The following ETS2 variants were observed in gnomAD, a reference collection of about 807,000 sequenced individuals.
The protein encoded by ETS2 is protein C-ets-2.
Under a neutral mutation model 54.9 loss-of-function variants are expected in ETS2, and 19 were observed. That is an observed-to-expected ratio of 0.35 (90% confidence interval 0.24 to 0.51). ETS2 has a LOEUF of 0.51. ETS2 is among the 20% of genes least tolerant of loss of function. The pLI is 0.97. For synonymous variants in ETS2, 219 were observed against 229.3 expected, an observed-to-expected ratio of 0.95 and a Z score of 0.41; for missense variants, 417 against 593.0, an observed-to-expected ratio of 0.70 and a Z score of 3.08.
Position 38,818,907 on chromosome 21 carries a change from T to C in ETS2, c.811+261T>C, listed in dbSNP as rs528743899. 1.2e-4 allele frequency among the ~76,000 whole-genome samples: 18 copies of C among 152,370 alleles called. No homozygotes were observed. In the South Asian group the frequency reaches 3.7e-3, roughly 32 times the overall value. ...CACTTTGGGATATTTATGGAGGCGA[T>C]GCAGGAATGTGACATTTCTTCTTAT... On this transcript the variant is annotated intron_variant, in intron 7 of 9. Coordinates refer to ENST00000360938, the MANE Select transcript of ETS2 (RefSeq NM_005239.6).
rs376514555 is a variant in ETS2 at position 38,818,422 on chromosome 21, C to T, written c.590-3C>T. 5 of 1,613,870 alleles carry T rather than the reference C, an allele frequency of 3.1e-6. No individual in the cohort carries two copies. In the African/African-American group the frequency reaches 6.7e-5, roughly 22 times the overall value. ...GCTCTGCCGTCCGATTGTTCTGTTC[C>T]AGGTTTTGGCACAGAGCAGGCGCCC... On this transcript the variant is annotated splice_polypyrimidine_tract_variant and splice_region_variant and intron_variant, in intron 6 of 9. Transcript: ENST00000360938.
rs188875406 is a variant in ETS2 at position 38,810,310 on chromosome 21, T to C, written c.72+204T>C. Among the ~76,000 whole-genome samples, 34 of 152,314 alleles carry C rather than the reference T, an allele frequency of 2.2e-4. 1 individual carries two copies. In the East Asian group the frequency reaches 6.6e-3, roughly 29 times the overall value. ...TGGGTATCTTGATGTGTGTTGTTCT[T>C]CTCCTCCACGATATGAAACCAAAGG... On this transcript the variant is annotated intron_variant, in intron 2 of 9. Coordinates refer to ENST00000360938, the MANE Select transcript of ETS2 (RefSeq NM_005239.6).
upstream of ETS2, chr21:38,805,875 C>T (rs1225663433): frequency 3.4e-6 from 4 of 1,193,448 alleles, no homozygotes; most frequent in East Asian, 7.6e-5. This position sits in a 1 kb window ranked among gnomAD's most constrained non-coding sequence, Gnocchi z 5.2. Flanking sequence ...CCTTCCTCCT[C>T]CCTCCTCCCT....
At position 38,806,201 on chromosome 21, in the gene ETS2, C is replaced by CG; in HGVS notation, c.-1+87dup. The CG allele has an allele frequency of 2.0e-6, 2 of 993,002 alleles. No homozygotes were observed. The highest frequency in any genetic ancestry group is 2.4e-6 in the Non-Finnish European group (2 of 835,512). 61.5% of individuals were successfully genotyped at this position (993,002 alleles called of 1,614,324 possible). A position where few individuals can be genotyped will look rare whatever the true frequency, so the allele number is the denominator to read the frequency against. On this transcript the variant is annotated intron_variant, in intron 1 of 9. Coordinates refer to ENST00000360938, the MANE Select transcript of ETS2 (RefSeq NM_005239.6). The surrounding 1 kb of genome is among the most constrained non-coding windows in gnomAD (Gnocchi z 4.3). ...TCACCCGGGGCCTGGGCGGGGGTCGCGGGGGGCACTGACACGCAGATCTCG... is the reference window on the plus strand; with the variant it reads ...TCACCCGGGGCCTGGGCGGGGGTCGCGGGGGGGCACTGACACGCAGATCTCG...
At position 38,823,857 on chromosome 21, in the gene ETS2, G is replaced by T. The variant is rs1162395312; in HGVS notation, c.*968G>T. 6.6e-6 allele frequency: 1 copy of T among 152,462 alleles called. No homozygotes were observed. Among genetic ancestry groups the T allele is most frequent in the East Asian group, 1.9e-4 (1 of 5,196 alleles). 9.4% of individuals were successfully genotyped at this position (152,462 alleles called of 1,614,324 possible). ...TTTAAGTCAGTTTATACACAAAATG[G>T]ATTTTATTTTTTAGTTTAACTGTGT... On this transcript the variant is annotated 3_prime_UTR_variant, in exon 10 of 10. Transcript: ENST00000360938.
rs781489122 is a variant in ETS2 at position 38,814,283 on chromosome 21, C to A, written c.195C>A (p.Asn65Lys). Residue 65 changes from asparagine to lysine, a missense_variant, in exon 4 of 10, where the codon AAC becomes AAA. Physicochemically the swap from Asn to Lys is moderately conservative, Grantham distance 94. Coordinates refer to ENST00000360938, the MANE Select transcript of ETS2 (RefSeq NM_005239.6). The surrounding 1 kb of genome is among the most constrained non-coding windows in gnomAD (Gnocchi z 4.2). ...GGGGTTTCCTTCCAGACTCCGCCAA[C>A]TGTGAATTGCCTTTGTTAACCCCGT... Reference protein sequence around the residue: ...GLDSISHDSANCELPLLTPCS... With the variant: ...GLDSISHDSAKCELPLLTPCS... 1.2e-6 allele frequency: 2 copies of A among 1,614,070 alleles called. No homozygotes were observed. The highest frequency in any genetic ancestry group is 2.7e-5 in the African/African-American group (2 of 75,048).
chr21:38,811,185 TAA>T (rs11288156), intron 2 of ETS2, among the ~76,000 whole-genome samples: 1,552 of 147,284 alleles, frequency 0.011, 13 homozygotes, highest in African/African-American at 0.027. Flanking sequence ...TTCCTGGCTT[TAA>T]AAAAAAAAAA....
intron 2 of ETS2, among the ~76,000 whole-genome samples, chr21:38,811,663 AC>A (rs1181395303): frequency 2.0e-5 from 3 of 152,230 alleles, no homozygotes; most frequent in Non-Finnish European, 4.4e-5. Flanking sequence ...AATGAGTCTT[AC>A]ATTAAAAGGT....
chr21:38,820,744 G>A (rs918742998), intron 8 of ETS2, among the ~76,000 whole-genome samples: 4 of 152,328 alleles, frequency 2.6e-5, no homozygotes, highest in South Asian at 4.1e-4. Flanking sequence ...TGCCTGTCCC[G>A]TGCTTTACAG....
At chr21:38,816,972 A>T in intron 5 of ETS2, 36 bp from the exon 6 acceptor site, 2 of 1,145,680 alleles carry the variant, frequency 1.7e-6, no homozygotes, top group Non-Finnish European at 2.7e-6. Context: ...TTTCACCTAC[A>T]TCTGCCATCT....
Position 38,818,556 on chromosome 21 carries a change from A to G in ETS2, c.721A>G (p.Lys241Glu). The G allele has an allele frequency of 1.2e-6, 2 of 1,614,122 alleles. No homozygotes were observed. Among genetic ancestry groups the G allele is most frequent in the Non-Finnish European group, 1.7e-6 (2 of 1,180,024 alleles). Residue 241 changes from lysine (K) to glutamate (E), a missense_variant, in exon 7 of 10, where the codon AAG (lysine) becomes GAG (glutamate). Lys to Glu is a moderately conservative substitution (Grantham distance 56, BLOSUM62 1). Coordinates refer to ENST00000360938, the MANE Select transcript of ETS2 (RefSeq NM_005239.6). Reference protein sequence around the residue: ...SSEQEFQMFPKSRLSSVSVTY... With the variant: ...SSEQEFQMFPESRLSSVSVTY... ...TGAGCAGGAGTTTCAGATGTTCCCC[A>G]AGTCTCGGCTCAGCTCCGTCAGCGT...
Position 38,824,888 on chromosome 21 carries a change from T to C in ETS2, c.*1999T>C, listed in dbSNP as rs1364178004. 1 of 152,564 alleles carries C rather than the reference T, an allele frequency of 6.6e-6. No individual in the cohort carries two copies. Among genetic ancestry groups the C allele is most frequent in the Non-Finnish European group, 1.5e-5 (1 of 68,030 alleles). 9.5% of individuals were successfully genotyped at this position (152,564 alleles called of 1,614,324 possible). On this transcript the variant is annotated 3_prime_UTR_variant, in exon 10 of 10. Coordinates refer to ENST00000360938, the MANE Select transcript of ETS2 (RefSeq NM_005239.6). ...AACCATTGGCATGGTAATAAACAGATCTTAAGTATAAAAATTTTGTAATTG... is the reference window on the plus strand; with the variant it reads ...AACCATTGGCATGGTAATAAACAGACCTTAAGTATAAAAATTTTGTAATTG...
At chr21:38,805,648 G>GCTCCCTCGCCGCCTCCGCC, upstream of ETS2, 1 of 1,203,270 alleles carries the variant, frequency 8.3e-7, no homozygotes, top group Non-Finnish European at 1.1e-6. This position sits in a 1 kb window ranked among gnomAD's most constrained non-coding sequence, Gnocchi z 5.2. Context: ...CCCGCCCCGC[G>GCTCCCTCGCCGCCTCCGCC]CTCCCTCGCC....
chr21:38,822,428 T>G (rs533776379), intron 9 of ETS2, among the ~76,000 whole-genome samples: 10 of 152,300 alleles, frequency 6.6e-5, no homozygotes, highest in Admixed American at 5.9e-4. Flanking sequence ...GAGGTTTCAC[T>G]GAGCTGGGGC....
intron 2 of ETS2, among the ~76,000 whole-genome samples, chr21:38,812,328 A>C (rs2060916870): frequency 1.3e-5 from 2 of 152,168 alleles, no homozygotes. Flanking sequence ...TCAATGTAAC[A>C]GGAGGGTCAG....
At chr21:38,818,335 C>A in intron 6 of ETS2, 90 bp from the exon 7 acceptor site, 1 of 1,570,958 alleles carries the variant, frequency 6.4e-7, no homozygotes, top group Non-Finnish European at 8.7e-7. Context: ...CTGGAGTGTG[C>A]GGAGTGCTCA....
intron 1 of ETS2, among the ~76,000 whole-genome samples, chr21:38,807,910 T>G (rs2060899676): frequency 6.6e-6 from 1 of 152,198 alleles, no homozygotes; most frequent in African/African-American, 2.4e-5. Context: ...GTTTGAGGCT[T>G]GTTTATTTCT....
chr21:38,813,166 C>T (rs956650177), intron 3 of ETS2, 52 bp downstream of exon 3: 1 of 1,138,672 alleles, frequency 8.8e-7, no homozygotes, highest in South Asian at 1.2e-5. Context: ...CTAAGTAGTT[C>T]AGTTAATAAA....
chr21:38,811,515 A>G (rs1450542838), intron 2 of ETS2, among the ~76,000 whole-genome samples: 1 of 152,192 alleles, frequency 6.6e-6, no homozygotes, highest in Non-Finnish European at 1.5e-5. Context: ...ACATTTTCTT[A>G]TTGATGACTC....
Sources: gnomAD v4.1 joint callset for allele counts (sites outside exome capture counted in the v4.1 genomes callset) on GRCh38, gnomAD v4.1.1 for gene constraint, Gnocchi (gnomAD v3.1) non-coding constraint, MANE v1.5 for transcripts, NCBI Gene and HGNC (gene_info 2026-07-23, HGNC 2026-07-21) for gene names.